The following CSMD1 variants were observed in gnomAD, a reference collection of about 807,000 sequenced individuals.
The protein encoded by CSMD1 is CUB and sushi domain-containing protein 1.
CSMD1 carries 213 observed loss-of-function variants against 417.5 expected under a neutral mutation model. The ratio of observed to expected loss-of-function variants is 0.51; its 90% CI spans 0.46 to 0.57. The LOEUF is 0.57. CSMD1 is among the 20% of genes least tolerant of loss of function. The probability of loss-of-function intolerance (pLI) is 0.00; values close to 1 mark genes in which losing one functional copy is unlikely to be tolerated. For synonymous variants in CSMD1, 2,862 were observed against 1,736.8 expected (o/e 1.65, Z -16.11); for missense variants, 6,923 against 4,529.7 (o/e 1.53, Z -15.17).
rs959920483 is a variant in CSMD1 at position 4,992,525 on chromosome 8, C to G, written c.85+1807G>C. ...TGCGGAGTTGCGTGGCAGGTGTTTC[C>G]TCTCCACGCAGGGGCTCGGCTGGAA... On this transcript the variant is annotated intron_variant, in intron 1 of 69. Coordinates refer to ENST00000635120, the MANE Select transcript of CSMD1 (RefSeq NM_033225.6). Among the ~76,000 whole-genome samples the G allele has an allele frequency of 5.3e-5, 8 of 152,286 alleles. No homozygotes were observed. The East Asian group carries it at 1.6e-3, about 30-fold the overall frequency.
chr8:3,233,177 G>A (rs778424223), intron 26 of CSMD1, among the ~76,000 whole-genome samples: 6 of 151,592 alleles, frequency 4.0e-5, no homozygotes, highest in Admixed American at 6.6e-5. Flanking sequence ...AAAAACTTAC[G>A]TTGAAATGTA....
intron 29 of CSMD1, 73 bp from the exon 30 acceptor site, chr8:3,214,764 T>G (rs900317927): frequency 3.8e-5 from 48 of 1,276,068 alleles, no homozygotes; most frequent in Middle Eastern, 1.9e-4. Context: ...TTTGTTGGGT[T>G]GGTTCTTTAA....
intron 2 of CSMD1, among the ~76,000 whole-genome samples, chr8:4,602,452 C>G (rs1333744499): frequency 2.0e-5 from 3 of 152,142 alleles, no homozygotes; most frequent in Non-Finnish European, 4.4e-5. Flanking sequence ...AGGAGGACAG[C>G]TGAAACCTTA....
chr8:3,671,663 T>G (rs1013402084), intron 7 of CSMD1, among the ~76,000 whole-genome samples: 2 of 150,368 alleles, frequency 1.3e-5, no homozygotes, highest in African/African-American at 2.4e-5. Context: ...AGCCTCTGCC[T>G]TGCTTTAAGG....
rs1018121584 is a variant in CSMD1 at position 3,863,271 on chromosome 8, C to T, written c.819-109229G>A. Among the ~76,000 whole-genome samples the T allele has an allele frequency of 3.5e-4, 54 of 152,158 alleles. 1 individual carries two copies. The Middle Eastern group carries it at 0.017, about 48-fold the overall frequency. ...AACTGGCTAGGTCTGGTGGCAGGCA[C>T]CTGTAATCTCAGCTACTCAGGAGGC... On this transcript the variant is annotated intron_variant, in intron 5 of 69. Coordinates refer to ENST00000635120, the MANE Select transcript of CSMD1 (RefSeq NM_033225.6).
Position 4,008,606 on chromosome 8 carries a change from T to C in CSMD1, c.611-10496A>G, listed in dbSNP as rs1037519315. On this transcript the variant is annotated intron_variant, in intron 4 of 69. Coordinates refer to ENST00000635120, the MANE Select transcript of CSMD1 (RefSeq NM_033225.6). ...GTATTTTCTTTCTTTTTTTCTTTTT[T>C]TTTTTTTTTTTTTTTTTTTTTTGAG... Among the ~76,000 whole-genome samples, 19 of 127,210 alleles carry C rather than the reference T, an allele frequency of 1.5e-4. 1 individual carries two copies. The East Asian group carries it at 1.8e-3, about 12-fold the overall frequency. The allele number at this position is 127,210 out of a possible 152,430, so 83.5% of individuals were successfully genotyped here. A position where few individuals can be genotyped will look rare whatever the true frequency, so the allele number is the denominator to read the frequency against.
intron 49 of CSMD1, among the ~76,000 whole-genome samples, chr8:3,073,401 A>C (rs2128999557): frequency 6.6e-6 from 1 of 152,310 alleles, no homozygotes; most frequent in South Asian, 2.1e-4. Flanking sequence ...CACTCAGAAA[A>C]CTGGGTAGCC....
chr8:3,212,995 A>C (rs1395043460), intron 30 of CSMD1, among the ~76,000 whole-genome samples: 1 of 151,390 alleles, frequency 6.6e-6, no homozygotes, highest in African/African-American at 2.4e-5. Context: ...CGCCCAGCTA[A>C]TTTTTTGTAT....
intron 3 of CSMD1, among the ~76,000 whole-genome samples, chr8:4,252,863 G>C (rs78864542): frequency 1.3e-5 from 2 of 152,186 alleles, no homozygotes; most frequent in African/African-American, 4.8e-5. Flanking sequence ...TTGGGACCAT[G>C]AGTGAAAGGC....
chr8:4,188,325 G>T (rs1173224472), intron 3 of CSMD1, among the ~76,000 whole-genome samples: 2 of 152,090 alleles, frequency 1.3e-5, no homozygotes, highest in African/African-American at 4.8e-5. Context: ...TGGTTTTCTG[G>T]ACCAAATGAA....
chr8:3,724,559 C>A lies in CSMD1; in HGVS notation c.932-16068G>T, dbSNP rs1005368596. Among the ~76,000 whole-genome samples, 29 of 152,066 alleles carry A rather than the reference C, an allele frequency of 1.9e-4. 1 individual carries two copies. The highest frequency in any genetic ancestry group is 6.3e-4 in the African/African-American group (26 of 41,416). ...GGGTCCTAAGGCTGAATGATCTGAG[C>A]ACCCTTCCTCTGGGCTGGGAGAGGA... On this transcript the variant is annotated intron_variant, in intron 6 of 69. Transcript: ENST00000635120.
chr8:4,426,472 T>TTA (rs1330677657), intron 2 of CSMD1, among the ~76,000 whole-genome samples: 6 of 148,198 alleles, frequency 4.0e-5, no homozygotes, highest in Admixed American at 1.4e-4. Flanking sequence ...AGACTACAGT[T>TTA]TATATATATG....
intron 7 of CSMD1, among the ~76,000 whole-genome samples, chr8:3,682,751 A>C (rs934764274): frequency 3.9e-5 from 6 of 152,242 alleles, no homozygotes; most frequent in Non-Finnish European, 5.9e-5. Flanking sequence ...ACGTATGTTT[A>C]TTGCGGCACT....
At chr8:3,331,185 C>G (rs1246282207) in intron 23 of CSMD1, among the ~76,000 whole-genome samples, 4 of 150,028 alleles carry the variant, frequency 2.7e-5, no homozygotes, top group African/African-American at 7.4e-5. Flanking sequence ...TTGCAGTGAG[C>G]CGAGATCGTG....
chr8:4,973,386 TA>T (rs1176016740), intron 1 of CSMD1, among the ~76,000 whole-genome samples: 2 of 152,208 alleles, frequency 1.3e-5, no homozygotes, highest in African/African-American at 4.8e-5. Flanking sequence ...GAAATTTACT[TA>T]TAAATACTAT....
At chr8:3,917,413 CG>C (rs1808904386) in intron 5 of CSMD1, among the ~76,000 whole-genome samples, 1 of 87,294 alleles carries the variant, frequency 1.1e-5, no homozygotes, top group South Asian at 4.6e-4. Flanking sequence ...GGTTATACCA[CG>C]AAACACACAC....
chr8:3,991,977 A>C (rs1050555295), intron 5 of CSMD1, among the ~76,000 whole-genome samples: 3 of 136,228 alleles, frequency 2.2e-5, no homozygotes, highest in Non-Finnish European at 3.1e-5. Context: ...GTTTTTTTAC[A>C]AAAAAAATAC....
chr8:4,500,199 T>C (rs1472198114), intron 2 of CSMD1, among the ~76,000 whole-genome samples: 2 of 148,162 alleles, frequency 1.3e-5, no homozygotes, highest in African/African-American at 4.9e-5. Flanking sequence ...CTGAAGAGGA[T>C]GGAACTCCAG....
intron 1 of CSMD1, among the ~76,000 whole-genome samples, chr8:4,651,232 A>C (rs566373365): frequency 6.6e-6 from 1 of 152,356 alleles, no homozygotes; most frequent in Admixed American, 6.5e-5. Flanking sequence ...AATACCTGGC[A>C]AACAGCAAGA....
Sources: allele counts gnomAD v4.1 joint callset (sites outside exome capture counted in the v4.1 genomes callset), GRCh38; gene constraint gnomAD v4.1.1; transcripts MANE v1.5; gene names NCBI Gene and HGNC (gene_info 2026-07-23, HGNC 2026-07-21).